Variants in EPB41L5 observed in about 807,000 individuals in gnomAD.
EPB41L5 encodes the protein erythrocyte membrane protein band 4.1 like 5.
In EPB41L5, 55 loss-of-function variants were observed where a neutral mutation model predicts 106.6. The observed-to-expected ratio is 0.52, with a 90% confidence interval of 0.42 to 0.65. The LOEUF is 0.65. Among genes scored for constraint, EPB41L5 ranks in the 30% least tolerant of loss-of-function variants. EPB41L5 has a pLI of 0.00. For synonymous variants in EPB41L5, 297 were observed against 306.7 expected, an observed-to-expected ratio of 0.97 and a Z score of 0.33; for missense variants, 871 against 882.1, an observed-to-expected ratio of 0.99 and a Z score of 0.16.
intron 14 of EPB41L5, among the ~76,000 whole-genome samples, chr2:120,096,308 C>T (rs186170564): frequency 5.9e-5 from 9 of 152,002 alleles, no homozygotes; most frequent in African/African-American, 2.2e-4. Flanking sequence ...CAAGGACTCC[C>T]CTCAAGTTTC....
rs1030465447 is a variant in EPB41L5, at chr2:120,088,415, G to A, written c.873+1175G>A. 3.3e-5 allele frequency among the ~76,000 whole-genome samples: 5 copies of A among 152,096 alleles called. No homozygotes were observed. The South Asian group carries it at 6.2e-4, about 19-fold the overall frequency. The stretch of plus-strand genomic sequence containing the variant: ...TTATGAACACAAAGAAGGCAACAGC[G>A]GACACTGGGATCTACTTGAGTGGGG... On this transcript the variant is annotated intron_variant, in intron 11 of 24. Transcript: ENST00000263713.
chr2:120,047,994 C>T (rs547701138), intron 3 of EPB41L5, among the ~76,000 whole-genome samples: 14 of 152,294 alleles, frequency 9.2e-5, no homozygotes, highest in African/African-American at 2.2e-4. Flanking sequence ...ACCAGCCTTG[C>T]GATCCAGGGA....
At chr2:120,167,284 C>CTGTGTTGTATA in intron 22 of EPB41L5, among the ~76,000 whole-genome samples, 182 bp from the exon 23 acceptor site, 1 of 152,282 alleles carries the variant, frequency 6.6e-6, no homozygotes, top group African/African-American at 2.4e-5. Context: ...GGGATAGCAT[C>CTGTGTTGTATA]TGTGTTGTAT....
chr2:120,136,399 T>C (rs898067487), intron 18 of EPB41L5, among the ~76,000 whole-genome samples: 1 of 151,362 alleles, frequency 6.6e-6, no homozygotes, highest in African/African-American at 2.4e-5. Context: ...AATAAATCCT[T>C]ACTTATCAAT....
intron 17 of EPB41L5, among the ~76,000 whole-genome samples, chr2:120,128,823 GGTA>G (rs3084697): frequency 0.18 from 26,564 of 151,696 alleles, 2,984 homozygotes; most frequent in East Asian, 0.47. Context: ...GATTTTTTAA[GGTA>G]GTAGTCTGTT....
At chr2:120,031,882 T>C (rs1342472975) in intron 2 of EPB41L5, among the ~76,000 whole-genome samples, 4 of 152,154 alleles carry the variant, frequency 2.6e-5, no homozygotes, top group Non-Finnish European at 4.4e-5. Flanking sequence ...ACATCTGTTA[T>C]CCCAGCACCT....
At chr2:120,094,925 C>T (rs1426010058) in intron 14 of EPB41L5, among the ~76,000 whole-genome samples, 1 of 152,080 alleles carries the variant, frequency 6.6e-6, no homozygotes, top group Non-Finnish European at 1.5e-5. Context: ...TGATTTCAAT[C>T]CCTTTAAACT....
chr2:120,098,160 G>GTGTGTGTGTGTGTGTC (rs1265425086), intron 14 of EPB41L5, among the ~76,000 whole-genome samples: 2 of 149,866 alleles, frequency 1.3e-5, no homozygotes, highest in Admixed American at 1.3e-4. Context: ...TTTGTTTTGT[G>GTGTGTGTGTGTGTGTC]TGTGTGTGTG....
At position 120,169,637 on chromosome 2, in the gene EPB41L5, G is replaced by A. The variant is rs137970958; in HGVS notation, c.2135+1630G>A. Among the ~76,000 whole-genome samples the A allele has an allele frequency of 7.2e-4, 110 of 151,964 alleles. 1 individual carries two copies. In the East Asian group the frequency reaches 0.012, roughly 17 times the overall value. On this transcript the variant is annotated intron_variant, in intron 24 of 24. Coordinates refer to ENST00000263713, the MANE Select transcript of EPB41L5 (RefSeq NM_020909.4). ...CACCCCCTTCCCTTCTCCTTCCTCC[G>A]CAACCTCAGTCTTAACTTTGTATGG...
chr2:120,049,134 T>G (rs1680036553), intron 3 of EPB41L5, among the ~76,000 whole-genome samples: 1 of 152,218 alleles, frequency 6.6e-6, no homozygotes, highest in Non-Finnish European at 1.5e-5. Context: ...AGAATGTATA[T>G]TCTGCTGATT....
chr2:120,127,861 T>C lies in EPB41L5; in HGVS notation c.1501+10T>C. 1 of 1,592,710 alleles carries C rather than the reference T, an allele frequency of 6.3e-7. No individual in the cohort carries two copies. Among genetic ancestry groups the C allele is most frequent in the Non-Finnish European group, 8.6e-7 (1 of 1,165,152 alleles). On this transcript the variant is annotated intron_variant, in intron 17 of 24. Transcript: ENST00000263713. ...GAAGTTGAATATGAGAGTAAGTAAA[T>C]GTTCCATTATACATCAGTGATACCT...
chr2:120,144,160 C>G (rs1214997089), intron 19 of EPB41L5, among the ~76,000 whole-genome samples: 3 of 152,132 alleles, frequency 2.0e-5, no homozygotes, highest in Non-Finnish European at 2.9e-5. Flanking sequence ...TCCCCAAAGC[C>G]ATGGTATTAA....
Position 120,013,105 on chromosome 2 carries a change from C to T in EPB41L5, c.-114C>T, listed in dbSNP as rs998702185. ...CTCCGGGGATTAGAGCCGGTGGGCT[C>T]GTTGTGGGCGCCATTTCTCGGCGTC... On this transcript the variant is annotated 5_prime_UTR_variant, in exon 1 of 25. Transcript: ENST00000263713. The T allele has an allele frequency of 6.6e-6, 1 of 152,220 alleles. No homozygotes were observed. Among genetic ancestry groups the T allele is most frequent in the Non-Finnish European group, 1.5e-5 (1 of 68,058 alleles). 9.4% of individuals were successfully genotyped at this position (152,220 alleles called of 1,614,324 possible).
intron 3 of EPB41L5, among the ~76,000 whole-genome samples, chr2:120,071,728 G>T (rs920884244): frequency 6.6e-6 from 1 of 152,182 alleles, no homozygotes; most frequent in African/African-American, 2.4e-5. Flanking sequence ...CTAGCCATAT[G>T]CAGAAAACTG....
intron 17 of EPB41L5, chr2:120,128,079 T>TA: frequency 3.1e-6 from 1 of 326,986 alleles, no homozygotes; most frequent in East Asian, 5.0e-5. Context: ...ATTAAACATT[T>TA]AAGAGTCTTC....
intron 3 of EPB41L5, among the ~76,000 whole-genome samples, chr2:120,050,344 T>C (rs1680145149): frequency 6.6e-6 from 1 of 152,230 alleles, no homozygotes; most frequent in African/African-American, 2.4e-5. Flanking sequence ...CCCATATTTC[T>C]TGGAGGCTTT....
In EPB41L5 at chr2:120,020,863, G is replaced by A. The variant is rs564022857; in HGVS notation, c.180+1599G>A. Among the ~76,000 whole-genome samples the A allele has an allele frequency of 2.6e-5, 4 of 151,716 alleles. No homozygotes were observed. In the South Asian group the frequency reaches 8.3e-4, roughly 32 times the overall value. On this transcript the variant is annotated intron_variant, in intron 2 of 24. Transcript: ENST00000263713. The stretch of plus-strand genomic sequence containing the variant: ...TAAAAACGCAGTGCAGTATGGAGGA[G>A]AAACAACACTAGCTTTTAAAGTGGT...
intron 2 of EPB41L5, among the ~76,000 whole-genome samples, chr2:120,028,427 C>G (rs909319413): frequency 2.1e-4 from 32 of 152,008 alleles, no homozygotes; most frequent in African/African-American, 7.2e-4. Flanking sequence ...CCCAACTATT[C>G]AGAAGGCTGG....
chr2:120,116,702 T>A (rs889455269), intron 16 of EPB41L5, among the ~76,000 whole-genome samples: 9 of 152,172 alleles, frequency 5.9e-5, no homozygotes, highest in African/African-American at 2.2e-4. Flanking sequence ...TATTTTTTTT[T>A]ATTTTTTGTA....
Sources: allele counts gnomAD v4.1 joint callset (sites outside exome capture counted in the v4.1 genomes callset), GRCh38; gene constraint gnomAD v4.1.1; transcripts MANE v1.5; gene names NCBI Gene and HGNC (gene_info 2026-07-23, HGNC 2026-07-21).